Variants in PALM2AKAP2 observed in about 807,000 individuals in gnomAD.
The protein encoded by PALM2AKAP2 is PALM2 and AKAP2 fusion.
A neutral mutation model predicts 71.5 loss-of-function variants in PALM2AKAP2; 37 were observed. That is an observed-to-expected ratio of 0.52 (90% CI 0.40 to 0.68). The LOEUF is 0.68. PALM2AKAP2 is among the 30% of genes least tolerant of loss of function. The pLI, the probability that PALM2AKAP2 is intolerant of heterozygous loss-of-function variation, is 0.00. For missense variants in PALM2AKAP2, 1,224 were observed against 1,191.8 expected (o/e 1.03, Z -0.40); for synonymous variants, 468 against 478.8 (o/e 0.98, Z 0.29).
chr9:110,022,585 A>ATT (rs1718575379), intron 7 of PALM2AKAP2, among the ~76,000 whole-genome samples: 2 of 141,164 alleles, frequency 1.4e-5, no homozygotes, highest in African/African-American at 5.5e-5. Flanking sequence ...ATTTTATTTT[A>ATT]TTATTATTAT....
intron 1 of PALM2AKAP2, among the ~76,000 whole-genome samples, chr9:110,077,232 C>T (rs561291168): frequency 5.3e-5 from 8 of 152,212 alleles, no homozygotes; most frequent in Non-Finnish European, 4.4e-5. Context: ...AGACTGTAGT[C>T]GTACTCCTCT....
At chr9:109,779,015 C>A (rs560459358), upstream of PALM2AKAP2, among the ~76,000 whole-genome samples, 2 of 152,268 alleles carry the variant, frequency 1.3e-5, no homozygotes, top group South Asian at 4.2e-4. Context: ...GGTGATCCAC[C>A]CGCCTTGGCC....
intron 1 of PALM2AKAP2, among the ~76,000 whole-genome samples, chr9:109,832,809 T>C (rs1465530048): frequency 2.0e-5 from 3 of 152,174 alleles, no homozygotes. Flanking sequence ...GGCAAGAGTT[T>C]GTTTAAAATG....
intron 1 of PALM2AKAP2, among the ~76,000 whole-genome samples, chr9:110,119,168 A>C (rs778682044): frequency 3.0e-4 from 46 of 151,898 alleles, no homozygotes; most frequent in Non-Finnish European, 1.8e-4. Flanking sequence ...CATGGTAAAA[A>C]TCCGTCTCTA....
intron 1 of PALM2AKAP2, among the ~76,000 whole-genome samples, chr9:110,120,908 T>A (rs939581918): frequency 2.7e-5 from 4 of 150,896 alleles, no homozygotes; most frequent in African/African-American, 7.3e-5. Flanking sequence ...TGACAACTAT[T>A]TTTTTTTTTA....
chr9:109,646,521 G>C (rs1023004732), intron 1 of PALM2AKAP2, among the ~76,000 whole-genome samples: 2 of 152,212 alleles, frequency 1.3e-5, no homozygotes, highest in Non-Finnish European at 2.9e-5. Flanking sequence ...ATAGCATCCA[G>C]TGGTGATCAT....
chr9:109,816,861 A>C (rs1179475169), intron 1 of PALM2AKAP2, among the ~76,000 whole-genome samples: 1 of 152,130 alleles, frequency 6.6e-6, no homozygotes, highest in Non-Finnish European at 1.5e-5. Flanking sequence ...TGCCAAACCC[A>C]CTTCCTGATC....
chr9:109,657,476 G>GTGTGTGTGTGTT (rs1427759582), intron 1 of PALM2AKAP2, among the ~76,000 whole-genome samples: 1 of 151,798 alleles, frequency 6.6e-6, no homozygotes, highest in African/African-American at 2.4e-5. Context: ...GTGTGTGTGT[G>GTGTGTGTGTGTT]TGTAAAATCA....
At position 109,944,690 on chromosome 9, in the gene PALM2AKAP2, T is replaced by C. The variant is rs1466027385; in HGVS notation, c.496+12662T>C. The C allele has an allele frequency of 3.3e-5, 5 of 152,228 alleles. No individual in the cohort carries two copies. In the East Asian group the frequency reaches 9.6e-4, roughly 29 times the overall value. The allele number at this position is 152,228 out of a possible 1,614,324, so 9.4% of individuals were successfully genotyped here. On this transcript the variant is annotated intron_variant, in intron 6 of 9. Coordinates refer to the PALM2AKAP2 transcript ENST00000302798. ...GCTTCTTAGGGCATTGTTTTGTTTTTAGCTTCTGGAGATTCCAGAAGAGCA... is the reference window on the plus strand; with the variant it reads ...GCTTCTTAGGGCATTGTTTTGTTTTCAGCTTCTGGAGATTCCAGAAGAGCA...
In PALM2AKAP2 at chr9:109,680,604, GA is replaced by G. The variant is rs141289458; in HGVS notation, c.5+39742del. Among the ~76,000 whole-genome samples, 493 of 152,242 alleles carry G rather than the reference GA, an allele frequency of 3.2e-3. 6 individuals are homozygous for G. Among genetic ancestry groups the G allele is most frequent in the East Asian group, 0.023 (120 of 5,186 alleles). ...ATTTTTTTAAAGAAGGAATTATATT[GA>G]AAATCATTAAAATATTTTAAAAACA... On this transcript the variant is annotated intron_variant, in intron 1 of 6. Coordinates refer to the PALM2AKAP2 transcript ENST00000374531.
chr9:109,640,790 G>T, exon 1 of PALM2AKAP2: 1 of 1,492,222 alleles, frequency 6.7e-7, no homozygotes, highest in Non-Finnish European at 8.8e-7. Context: ...CGCGGCCAGT[G>T]CACTCGGCTC....
intron 1 of PALM2AKAP2, among the ~76,000 whole-genome samples, chr9:109,773,653 A>AAATAGAG (rs540958726): frequency 2.0e-5 from 3 of 152,304 alleles, no homozygotes; most frequent in Non-Finnish European, 4.4e-5. Flanking sequence ...CCCATTTTAC[A>AAATAGAG]AATAGAGAAC....
At chr9:110,000,359 T>G (rs777112099) in intron 6 of PALM2AKAP2, among the ~76,000 whole-genome samples, 2 of 152,218 alleles carry the variant, frequency 1.3e-5, no homozygotes, top group Non-Finnish European at 2.9e-5. Context: ...TTTTTATGGC[T>G]GTATAGTATT....
Position 110,136,130 on chromosome 9 carries a change from C to G in PALM2AKAP2, c.160C>G (p.Pro54Ala), listed in dbSNP as rs749178187. The G allele has an allele frequency of 1.6e-5, 25 of 1,568,770 alleles. No individual in the cohort carries two copies. In the East Asian group the frequency reaches 2.2e-4, roughly 14 times the overall value. ...TTTTGTTTACTCTTTATTCCAGAAG[C>G]CTCCCCAGCTTTCTGAGGATGATAT... The change falls in exon 2 of 4, where the codon CCT (proline) becomes GCT (alanine). Residue 54 changes from proline (P) to alanine (A), a missense_variant. Transcript: ENST00000374525.
chr9:109,843,705 C>A (rs1228948520), intron 1 of PALM2AKAP2, among the ~76,000 whole-genome samples: 1 of 152,150 alleles, frequency 6.6e-6, no homozygotes, highest in African/African-American at 2.4e-5. Flanking sequence ...GTGGACCTTG[C>A]TTATTAAAGG....
intron 3 of PALM2AKAP2, among the ~76,000 whole-genome samples, chr9:109,890,394 T>G (rs1369860667): frequency 6.6e-6 from 1 of 152,204 alleles, no homozygotes; most frequent in Non-Finnish European, 1.5e-5. Flanking sequence ...TCTCTTTCCC[T>G]CAGGTCTAGG....
chr9:109,763,720 C>T (rs774696957), intron 1 of PALM2AKAP2, among the ~76,000 whole-genome samples: 18 of 152,124 alleles, frequency 1.2e-4, no homozygotes, highest in Non-Finnish European at 2.5e-4. Context: ...CCTTGCTTCT[C>T]TCCTAGCTTC....
chr9:110,017,849 T>C (rs769849168), intron 7 of PALM2AKAP2, among the ~76,000 whole-genome samples: 8 of 151,636 alleles, frequency 5.3e-5, no homozygotes, highest in Non-Finnish European at 8.8e-5. Flanking sequence ...TGCCTCAGCC[T>C]CCCGAGTAGC....
At chr9:109,980,905 T>G (rs937589696) in intron 6 of PALM2AKAP2, among the ~76,000 whole-genome samples, 6 of 152,260 alleles carry the variant, frequency 3.9e-5, no homozygotes, top group Non-Finnish European at 8.8e-5. Flanking sequence ...GAACCTAGTT[T>G]CTGGAGCTAA....
Sources: allele counts gnomAD v4.1 joint callset (sites outside exome capture counted in the v4.1 genomes callset), GRCh38; gene constraint gnomAD v4.1.1; transcripts MANE v1.5; gene names NCBI Gene and HGNC (gene_info 2026-07-23, HGNC 2026-07-21).